ARB2A: variants seen among roughly 807,000 people sequenced by gnomAD.
ARB2A encodes the protein ARB2 cotranscriptional regulator A, also known as cotranscriptional regulator ARB2A.
the ARB2A span, among the ~76,000 whole-genome samples, chr5:93,945,501 C>T: frequency 6.6e-6 from 1 of 151,406 alleles, no homozygotes; most frequent in African/African-American, 2.4e-5. Context: ...AAGCTCAAAT[C>T]AGGCGTACTA....
chr5:93,892,752 A>G, the ARB2A span, among the ~76,000 whole-genome samples: 1 of 152,140 alleles, frequency 6.6e-6, no homozygotes, highest in Non-Finnish European at 1.5e-5. Context: ...TTCACTGCTC[A>G]GCAATATACA....
chr5:93,744,582 G>C, the ARB2A span, among the ~76,000 whole-genome samples: 1 of 151,602 alleles, frequency 6.6e-6, no homozygotes, highest in Non-Finnish European at 1.5e-5. Flanking sequence ...CAGTTTATGT[G>C]CATGTACTGC....
the ARB2A span, among the ~76,000 whole-genome samples, chr5:93,911,288 A>G: frequency 4.0e-5 from 6 of 151,710 alleles, no homozygotes; most frequent in Non-Finnish European, 7.4e-5. Context: ...GTAAATTTCA[A>G]TTAGACCCTT....
the ARB2A span, among the ~76,000 whole-genome samples, chr5:93,708,032 C>T: frequency 1.3e-5 from 2 of 152,144 alleles, no homozygotes; most frequent in African/African-American, 4.8e-5. Context: ...ATGCCTTTCC[C>T]CTAGATTCAA....
At chr5:93,797,561 G>A in the ARB2A span, among the ~76,000 whole-genome samples, 2 of 152,230 alleles carry the variant, frequency 1.3e-5, no homozygotes, top group East Asian at 3.9e-4. Flanking sequence ...ATATAAAAGA[G>A]TCAGTAGTTC....
At chr5:93,709,632 C>CAA in the ARB2A span, among the ~76,000 whole-genome samples, 3,497 of 41,326 alleles carry the variant, frequency 0.085, 213 homozygotes, top group African/African-American at 0.13. Context: ...GACTCTGTCA[C>CAA]AAAAAAAAAA....
chr5:93,747,994 T>C, the ARB2A span, among the ~76,000 whole-genome samples: 1 of 152,234 alleles, frequency 6.6e-6, no homozygotes, highest in Non-Finnish European at 1.5e-5. Context: ...TTGCCAATCA[T>C]GGCATTGTTG....
the ARB2A span, among the ~76,000 whole-genome samples, chr5:93,937,349 TC>T: frequency 2.7e-5 from 4 of 147,830 alleles, no homozygotes; most frequent in Non-Finnish European, 1.5e-5. Context: ...ACACCTGTAA[TC>T]CCAGCACTTT....
the ARB2A span, among the ~76,000 whole-genome samples, chr5:93,852,752 A>G: frequency 6.6e-6 from 1 of 152,112 alleles, no homozygotes; most frequent in Non-Finnish European, 1.5e-5. Context: ...TTTGTCAAAG[A>G]TCAGATAGTT....
the ARB2A span, among the ~76,000 whole-genome samples, chr5:93,754,244 T>A: frequency 1.3e-5 from 2 of 152,220 alleles, no homozygotes; most frequent in African/African-American, 4.8e-5. Context: ...CACATTCTAG[T>A]AGGAGAGACA....
At chr5:93,747,420 T>C in the ARB2A span, among the ~76,000 whole-genome samples, 183 of 151,916 alleles carry the variant, frequency 1.2e-3, no homozygotes, top group African/African-American at 4.1e-3. Flanking sequence ...AAATGAACTC[T>C]TATTTTAACT....
chr5:94,062,843 GGGCAA>G, the ARB2A span, among the ~76,000 whole-genome samples: 2 of 152,152 alleles, frequency 1.3e-5, no homozygotes, highest in Non-Finnish European at 2.9e-5. Context: ...AATGCCACCT[GGGCAA>G]AAATGCAAGC....
chr5:94,055,767 T>C, the ARB2A span: 1 of 985,460 alleles, frequency 1.0e-6, no homozygotes. Flanking sequence ...ATTGAGGCTC[T>C]GGGACAAAAT....
chr5:93,738,783 A>G, the ARB2A span: 1 of 152,240 alleles, frequency 6.6e-6, no homozygotes, highest in African/African-American at 2.4e-5. Context: ...TACCAGGGGT[A>G]GGGGATAGGG....
chr5:94,095,938 C>T, the ARB2A span, among the ~76,000 whole-genome samples: 1 of 152,104 alleles, frequency 6.6e-6, no homozygotes. Flanking sequence ...AGAGTCTTAT[C>T]CCCGTTCAGC....
the ARB2A span, among the ~76,000 whole-genome samples, chr5:93,771,312 G>C: frequency 1.3e-5 from 2 of 151,790 alleles, no homozygotes; most frequent in African/African-American, 2.4e-5. Flanking sequence ...AGTCAAGATG[G>C]ATTAAAGACT....
At chr5:93,930,206 C>T in the ARB2A span, among the ~76,000 whole-genome samples, 4 of 152,012 alleles carry the variant, frequency 2.6e-5, no homozygotes, top group Non-Finnish European at 5.9e-5. Context: ...ATTTCAAAGG[C>T]GATTATAAAT....
At chr5:93,736,942 C>T in the ARB2A span, 2 of 152,104 alleles carry the variant, frequency 1.3e-5, no homozygotes, top group African/African-American at 4.8e-5. Flanking sequence ...CAGTACTACA[C>T]ATTTTTGCCA....
chr5:94,061,050 A>G, the ARB2A span, among the ~76,000 whole-genome samples: 1 of 152,166 alleles, frequency 6.6e-6, no homozygotes, highest in East Asian at 1.9e-4. Flanking sequence ...CATCCTGGCT[A>G]ACACGGTGAA....
Sources: allele counts gnomAD v4.1 joint callset (sites outside exome capture counted in the v4.1 genomes callset), GRCh38; gene constraint gnomAD v4.1.1; transcripts MANE v1.5; gene names NCBI Gene and HGNC (gene_info 2026-07-23, HGNC 2026-07-21).